LRMDA: variants seen among roughly 807,000 people sequenced by gnomAD.
The protein encoded by LRMDA is leucine rich melanocyte differentiation associated.
LRMDA carries 18 observed loss-of-function variants against 29.8 expected under a neutral mutation model. The observed-to-expected ratio is 0.60, with a 90% CI of 0.42 to 0.90. LRMDA has a LOEUF of 0.90. Ranked by LOEUF, LRMDA falls within the 40% of genes least tolerant of loss-of-function variation. The pLI is 0.00. For synonymous variants in LRMDA, 125 were observed against 109.4 expected, an observed-to-expected ratio of 1.14 and a Z score of -0.89; for missense variants, 273 against 273.9, an observed-to-expected ratio of 1.00 and a Z score of 0.02.
In LRMDA at chr10:75,854,972, GGACATTT is replaced by G. The variant is rs1232330274; in HGVS notation, c.132-181034_132-181028del. 6.2e-4 allele frequency among the ~76,000 whole-genome samples: 94 copies of G among 152,228 alleles called. No individual in the cohort carries two copies. In the East Asian group the frequency reaches 8.3e-3, roughly 13 times the overall value. On this transcript the variant is annotated intron_variant, in intron 2 of 6. Transcript: ENST00000611255. ...TTTCTTAATCCAGTCTATCATTGTTGGACATTTGGGTTGCTTCCAAGTCTTTGCTATT... is the reference window on the plus strand; with the variant it reads ...TTTCTTAATCCAGTCTATCATTGTTGGGGTTGCTTCCAAGTCTTTGCTATT...
At position 75,626,954 on chromosome 10, in the gene LRMDA, G is replaced by A. The variant is rs561386243; in HGVS notation, c.131+188460G>A. ...TTGACACTAATTTACTACCACTAAT[G>A]CTGTGCTGTCCCTTGAGCTGAAGTG... is the stretch of plus-strand genomic sequence containing the variant. On this transcript the variant is annotated intron_variant, in intron 2 of 6. Transcript: ENST00000611255. 2.6e-5 allele frequency among the ~76,000 whole-genome samples: 4 copies of A among 152,302 alleles called. No individual in the cohort carries two copies. The South Asian group carries it at 8.3e-4, about 32-fold the overall frequency.
At chr10:75,880,481 C>T (rs899777051) in intron 2 of LRMDA, among the ~76,000 whole-genome samples, 1 of 152,206 alleles carries the variant, frequency 6.6e-6, no homozygotes, top group South Asian at 2.1e-4. Flanking sequence ...ATTGGAAAAA[C>T]AGGGGTCAAA....
At chr10:76,152,489 AT>A (rs759678545) in intron 5 of LRMDA, among the ~76,000 whole-genome samples, 1 of 152,278 alleles carries the variant, frequency 6.6e-6, no homozygotes, top group Non-Finnish European at 1.5e-5. Context: ...TGCTATTAAT[AT>A]TTTTTGTATA....
At chr10:75,661,357 C>T (rs1841750584) in intron 2 of LRMDA, among the ~76,000 whole-genome samples, 1 of 152,182 alleles carries the variant, frequency 6.6e-6, no homozygotes, top group African/African-American at 2.4e-5. Context: ...TGTACCAGAC[C>T]AGTTCTTCTC....
intron 6 of LRMDA, among the ~76,000 whole-genome samples, chr10:76,432,065 A>T (rs554554208): frequency 1.1e-3 from 168 of 152,296 alleles, no homozygotes; most frequent in African/African-American, 3.8e-3. Flanking sequence ...ACTAATACAG[A>T]TCCTAAATAT....
chr10:75,469,202 AAGAG>A (rs925508572), intron 2 of LRMDA, among the ~76,000 whole-genome samples: 3 of 152,010 alleles, frequency 2.0e-5, no homozygotes, highest in African/African-American at 7.2e-5. Flanking sequence ...AGGAAAAAAA[AAGAG>A]AGAGATGATT....
Position 76,559,302 on chromosome 10 carries a change from T to C in LRMDA, c.*2014T>C, listed in dbSNP as rs1372303844. The C allele has an allele frequency of 1.3e-5, 2 of 152,222 alleles. No homozygotes were observed. The highest frequency in any genetic ancestry group is 4.8e-5 in the African/African-American group (2 of 41,466). The allele number at this position is 152,222 out of a possible 1,614,324, so 9.4% of individuals were successfully genotyped here. ...ACCATTTGTATCATGCGCAGGAATGTCTCCCTCAATGTGAGCTTTGGAGGC... is the reference window on the plus strand; with the variant it reads ...ACCATTTGTATCATGCGCAGGAATGCCTCCCTCAATGTGAGCTTTGGAGGC... On this transcript the variant is annotated 3_prime_UTR_variant, in exon 7 of 7. Transcript: ENST00000611255.
chr10:75,578,215 C>CAAAAAAAAAAAAAAAAAAAAAAAAAAAA (rs1183989010), intron 2 of LRMDA, among the ~76,000 whole-genome samples: 6 of 14,226 alleles, frequency 4.2e-4, no homozygotes, highest in Non-Finnish European at 6.8e-4. Flanking sequence ...AAATGGAAAG[C>CAAAAAAAAAAAAAAAAAAAAAAAAAAAA]AAAAAAAAAA....
chr10:76,238,056 G>A (rs1431583934), intron 5 of LRMDA, among the ~76,000 whole-genome samples: 1 of 152,080 alleles, frequency 6.6e-6, no homozygotes, highest in Non-Finnish European at 1.5e-5. Context: ...CTCCCAAACT[G>A]CTGGGATTAT....
chr10:76,389,791 A>G (rs1320865246), intron 6 of LRMDA, among the ~76,000 whole-genome samples: 1 of 152,204 alleles, frequency 6.6e-6, no homozygotes, highest in African/African-American at 2.4e-5. Context: ...ATGCAGCAGC[A>G]TGTGTCAAAA....
chr10:76,362,265 G>A (rs1486900876), intron 6 of LRMDA, among the ~76,000 whole-genome samples: 1 of 152,182 alleles, frequency 6.6e-6, no homozygotes, highest in African/African-American at 2.4e-5. Context: ...TTTTTGTAAG[G>A]TGTCAAGTGC....
chr10:76,109,635 G>T (rs1274043348), intron 5 of LRMDA, among the ~76,000 whole-genome samples: 1 of 152,106 alleles, frequency 6.6e-6, no homozygotes, highest in Non-Finnish European at 1.5e-5. Context: ...TCCCCATTTT[G>T]TTACCTTCAA....
chr10:75,582,296 C>A (rs190863563), intron 2 of LRMDA, among the ~76,000 whole-genome samples: 2 of 152,254 alleles, frequency 1.3e-5, no homozygotes, highest in African/African-American at 4.8e-5. Flanking sequence ...AGGCTTCTGC[C>A]TGGACATCCA....
rs190746243 is a variant in LRMDA at position 76,332,137 on chromosome 10, G to A, written c.601+7652G>A. ...GCCGGGCTGGGTGGATTGGAATGGA[G>A]GGTAGTGTAGATTAAAACTTCCGCA... On this transcript the variant is annotated intron_variant, in intron 6 of 6. Transcript: ENST00000611255. Among the ~76,000 whole-genome samples, 15 of 152,302 alleles carry A rather than the reference G, an allele frequency of 9.8e-5. No homozygotes were observed. In the East Asian group the frequency reaches 2.9e-3, roughly 30 times the overall value.
At chr10:76,284,430 T>C (rs568292516) in intron 5 of LRMDA, among the ~76,000 whole-genome samples, 1 of 152,180 alleles carries the variant, frequency 6.6e-6, no homozygotes, top group African/African-American at 2.4e-5. Flanking sequence ...GGAAACGTGT[T>C]CTCCCCTCAC....
At chr10:76,425,104 T>C (rs1374461102) in intron 6 of LRMDA, among the ~76,000 whole-genome samples, 2 of 152,298 alleles carry the variant, frequency 1.3e-5, no homozygotes, top group African/African-American at 2.4e-5. Flanking sequence ...CAATCCAAAA[T>C]AGCCAATCCA....
At chr10:76,430,172 C>T (rs1003408638) in intron 6 of LRMDA, among the ~76,000 whole-genome samples, 7 of 152,076 alleles carry the variant, frequency 4.6e-5, no homozygotes, top group Non-Finnish European at 5.9e-5. Flanking sequence ...TGTGTTTTCT[C>T]CTCTCGTATT....
intron 5 of LRMDA, among the ~76,000 whole-genome samples, chr10:76,177,159 G>A (rs1314155322): frequency 6.6e-6 from 1 of 152,194 alleles, no homozygotes; most frequent in Non-Finnish European, 1.5e-5. Context: ...CGCCATCCCA[G>A]CAGCACGCTT....
intron 5 of LRMDA, among the ~76,000 whole-genome samples, chr10:76,167,689 T>C (rs2132187761): frequency 6.6e-6 from 1 of 152,324 alleles, no homozygotes; most frequent in East Asian, 1.9e-4. Flanking sequence ...GGTAGTATGA[T>C]GCCTCCAGCT....
Sources: gnomAD v4.1 joint callset for allele counts (sites outside exome capture counted in the v4.1 genomes callset) on GRCh38, gnomAD v4.1.1 for gene constraint, MANE v1.5 for transcripts, NCBI Gene and HGNC (gene_info 2026-07-23, HGNC 2026-07-21) for gene names.